DLGAP2: variants seen among roughly 807,000 people sequenced by gnomAD.
The protein encoded by DLGAP2 is disks large-associated protein 2.
Under a neutral mutation model 100.3 loss-of-function variants are expected in DLGAP2, and 26 were observed. The ratio of observed to expected loss-of-function variants is 0.26; its 90% CI spans 0.19 to 0.36. The LOEUF (loss-of-function observed/expected upper bound fraction) is 0.36, where lower values mean the gene tolerates loss of function less well. Among genes scored for constraint, DLGAP2 ranks in the 10% least tolerant of loss-of-function variants. The pLI, the probability that DLGAP2 is intolerant of heterozygous loss-of-function variation, is 1.00. For missense variants in DLGAP2, 1,858 were observed against 1,453.2 expected, an observed-to-expected ratio of 1.28 and a Z score of -4.53; for synonymous variants, 886 against 630.1, an observed-to-expected ratio of 1.41 and a Z score of -6.08.
intron 1 of DLGAP2, among the ~76,000 whole-genome samples, chr8:744,940 G>A (rs1040293455): frequency 6.6e-6 from 1 of 152,196 alleles, no homozygotes; most frequent in African/African-American, 2.4e-5. Context: ...CAGTCTGTCC[G>A]CATGCTGTCC....
At chr8:1,255,042 G>A (rs1371508648) in intron 2 of DLGAP2, among the ~76,000 whole-genome samples, 2 of 141,892 alleles carry the variant, frequency 1.4e-5, no homozygotes, top group Non-Finnish European at 3.0e-5. Context: ...CTGCCCAGCC[G>A]CTGTGTGTGT....
intron 1 of DLGAP2, among the ~76,000 whole-genome samples, chr8:877,783 C>A (rs1197262749): frequency 6.6e-6 from 1 of 152,288 alleles, no homozygotes; most frequent in Non-Finnish European, 1.5e-5. Flanking sequence ...ATATTCTGTG[C>A]AAATGAGGTT....
At chr8:1,591,045 C>T (rs1451316134) in intron 6 of DLGAP2, among the ~76,000 whole-genome samples, 32 of 152,226 alleles carry the variant, frequency 2.1e-4, no homozygotes, top group Admixed American at 2.0e-3. Context: ...CTTACACATT[C>T]TTGCCCTTCC....
At chr8:1,495,509 A>T (rs1799519565) in intron 3 of DLGAP2, among the ~76,000 whole-genome samples, 1 of 152,146 alleles carries the variant, frequency 6.6e-6, no homozygotes, top group Non-Finnish European at 1.5e-5. Flanking sequence ...AGGGGTCAGA[A>T]TGTGGTGGGT....
rs145096994 is a variant in DLGAP2, at chr8:1,684,832, G to T, written c.2704+6203G>T. On this transcript the variant is annotated intron_variant, in intron 12 of 14. Transcript: ENST00000637795. The stretch of plus-strand genomic sequence containing the variant: ...ATCCTTCCCAAGCTAAGACTTTATT[G>T]AATAATTCCATTGAGATGCAACTCT... Among the ~76,000 whole-genome samples the T allele has an allele frequency of 1.2e-3, 188 of 152,188 alleles. 2 individuals are homozygous for T. The highest frequency in any genetic ancestry group is 4.4e-3 in the African/African-American group (182 of 41,484).
intron 3 of DLGAP2, among the ~76,000 whole-genome samples, chr8:1,327,409 C>T (rs55852731): frequency 0.014 from 2,063 of 152,354 alleles, 18 homozygotes; most frequent in Middle Eastern, 0.061. Context: ...ATGCCTGAGT[C>T]ATCATTCCAT....
intron 2 of DLGAP2, among the ~76,000 whole-genome samples, chr8:1,115,884 G>A (rs1377453687): frequency 6.6e-6 from 1 of 152,228 alleles, no homozygotes. Flanking sequence ...TGTGCCAGGT[G>A]TATGGAACGT....
At chr8:1,439,163 T>C (rs975507755) in intron 3 of DLGAP2, among the ~76,000 whole-genome samples, 1 of 152,032 alleles carries the variant, frequency 6.6e-6, no homozygotes, top group African/African-American at 2.4e-5. Flanking sequence ...GTGCTGAGAA[T>C]TTAAGAGAAT....
intron 2 of DLGAP2, among the ~76,000 whole-genome samples, chr8:1,215,389 C>T (rs1049214040): frequency 6.6e-6 from 1 of 152,162 alleles, no homozygotes; most frequent in Admixed American, 6.5e-5. Context: ...GAGAGTGGTA[C>T]CCTGATGGGT....
chr8:1,483,064 C>A (rs1015229844), intron 3 of DLGAP2, among the ~76,000 whole-genome samples: 1 of 152,122 alleles, frequency 6.6e-6, no homozygotes, highest in Non-Finnish European at 1.5e-5. Flanking sequence ...CGCGCGCGGC[C>A]GGAGAGGCGC....
At chr8:1,663,502 T>C (rs976032448) in intron 8 of DLGAP2, among the ~76,000 whole-genome samples, 1 of 152,096 alleles carries the variant, frequency 6.6e-6, no homozygotes, top group Admixed American at 6.5e-5. Context: ...TTCTCCAAGA[T>C]CACATGATGA....
At chr8:931,058 G>C (rs1798944726) in intron 2 of DLGAP2, among the ~76,000 whole-genome samples, 1 of 152,152 alleles carries the variant, frequency 6.6e-6, no homozygotes, top group East Asian at 1.9e-4. Flanking sequence ...CCCGAGGTGG[G>C]GGCAGTAAAA....
At chr8:1,219,160 G>T (rs552157405) in intron 2 of DLGAP2, among the ~76,000 whole-genome samples, 2 of 152,134 alleles carry the variant, frequency 1.3e-5, no homozygotes, top group Non-Finnish European at 2.9e-5. Context: ...GTACTATGTT[G>T]AATAGAAGTA....
chr8:786,407 A>C (rs1162808020), intron 1 of DLGAP2, among the ~76,000 whole-genome samples: 2 of 152,120 alleles, frequency 1.3e-5, no homozygotes, highest in Non-Finnish European at 2.9e-5. Context: ...ATTTTCGTCG[A>C]TTCTCAAAAG....
intron 2 of DLGAP2, among the ~76,000 whole-genome samples, chr8:912,584 C>G (rs890873381): frequency 6.6e-6 from 1 of 152,078 alleles, no homozygotes; most frequent in Non-Finnish European, 1.5e-5. Context: ...CCAGTTGTCT[C>G]CAGCTCATTG....
In DLGAP2 at chr8:1,352,403, C is replaced by T. The variant is rs188949034; in HGVS notation, c.106+93520C>T. On this transcript the variant is annotated intron_variant, in intron 3 of 14. Coordinates refer to ENST00000637795, the MANE Select transcript of DLGAP2 (RefSeq NM_001346810.2). ...CCTCATGGGGCCATCTCTTCCTCTC[C>T]CCAGCGACTCTCCCTGTACCTGCCC... 2.6e-3 allele frequency among the ~76,000 whole-genome samples: 390 copies of T among 152,236 alleles called. 3 individuals carry two copies. The highest frequency in any genetic ancestry group is 0.017 in the Middle Eastern group (5 of 294).
chr8:1,040,284 C>T (rs1276634920), intron 2 of DLGAP2, among the ~76,000 whole-genome samples: 26 of 146,664 alleles, frequency 1.8e-4, no homozygotes, highest in African/African-American at 5.9e-4. Context: ...GTGGTCAGCT[C>T]GGGTTCCGTG....
intron 2 of DLGAP2, among the ~76,000 whole-genome samples, chr8:1,218,407 C>A (rs180814984): frequency 6.6e-6 from 1 of 151,848 alleles, no homozygotes; most frequent in Non-Finnish European, 1.5e-5. Flanking sequence ...GTAGGTGTGC[C>A]GCTTTATTTG....
chr8:994,669 G>A (rs976364206), intron 2 of DLGAP2, among the ~76,000 whole-genome samples: 2 of 152,158 alleles, frequency 1.3e-5, no homozygotes, highest in Non-Finnish European at 2.9e-5. Flanking sequence ...TTACACACAG[G>A]GGCTGGAACT....
Sources: gnomAD v4.1 joint callset for allele counts (sites outside exome capture counted in the v4.1 genomes callset) on GRCh38, gnomAD v4.1.1 for gene constraint, MANE v1.5 for transcripts, NCBI Gene and HGNC (gene_info 2026-07-23, HGNC 2026-07-21) for gene names.